Variants in MRC2 observed in about 807,000 individuals in gnomAD.
MRC2 encodes mannose receptor C-type 2.
A neutral mutation model predicts 206.2 loss-of-function variants in MRC2; 84 were observed. That is an observed-to-expected ratio of 0.41 (90% CI 0.34 to 0.49). MRC2 has a LOEUF of 0.49. MRC2 is among the 20% of genes least tolerant of loss of function. MRC2 has a pLI of 0.31. For missense variants in MRC2, 1,676 were observed against 2,001.5 expected, an observed-to-expected ratio of 0.84 and a Z score of 3.10; for synonymous variants, 798 against 800.0, an observed-to-expected ratio of 1.00 and a Z score of 0.04.
chr17:62,638,731 C>T (rs1429419726), intron 1 of MRC2, among the ~76,000 whole-genome samples: 1 of 133,300 alleles, frequency 7.5e-6, no homozygotes, highest in Admixed American at 7.8e-5. Flanking sequence ...GAGTGAAACC[C>T]TGTCTCAAAA....
At chr17:62,669,534 T>C (rs1022812501) in intron 6 of MRC2, among the ~76,000 whole-genome samples, 1 of 149,078 alleles carries the variant, frequency 6.7e-6, no homozygotes, top group African/African-American at 2.5e-5. Flanking sequence ...TTTATTTTTA[T>C]TTATTTATTT....
At chr17:62,663,459 G>A (rs2147462252) in intron 1 of MRC2, among the ~76,000 whole-genome samples, 1 of 152,236 alleles carries the variant, frequency 6.6e-6, no homozygotes, top group African/African-American at 2.4e-5. Context: ...CCCAAAAGAA[G>A]CACCGTGCCC....
rs757338236 is a variant in MRC2 at position 62,628,507 on chromosome 17, CA to C, written c.118+588del. Among the ~76,000 whole-genome samples the C allele has an allele frequency of 4.6e-4, 70 of 152,210 alleles. 1 individual carries two copies. Among genetic ancestry groups the C allele is most frequent in the Non-Finnish European group, 5.4e-4 (37 of 68,042 alleles). On this transcript the variant is annotated intron_variant, in intron 1 of 29. Coordinates refer to ENST00000303375, the MANE Select transcript of MRC2 (RefSeq NM_006039.5). ...CGGCATCCGCCCCGCGTGAGCTCGG[CA>C]GCCCTGTGAGGAGGCTCCTGCCACT...
In MRC2 at chr17:62,627,871, GTGCC is replaced by G; in HGVS notation, c.73_76del (p.Leu25ThrfsTer92). ...TGCTGCGCTGCGTCCTGCTCCTCGGGTGCCTGCACCTCGGCCGTCCCGGCGCCCC... is the reference window on the plus strand; with the variant it reads ...TGCTGCGCTGCGTCCTGCTCCTCGGGTGCACCTCGGCCGTCCCGGCGCCCC... On this transcript the variant is annotated frameshift_variant, in exon 1 of 30. Transcript: ENST00000303375. LOFTEE classifies it high-confidence loss of function. 2.7e-6 allele frequency: 4 copies of G among 1,475,922 alleles called. No individual in the cohort carries two copies. Among genetic ancestry groups the G allele is most frequent in the Non-Finnish European group, 3.6e-6 (4 of 1,120,562 alleles). 91.4% of individuals were successfully genotyped at this position (1,475,922 alleles called of 1,614,324 possible). A position where few individuals can be genotyped will look rare whatever the true frequency, so the allele number is the denominator to read the frequency against.
chr17:62,634,430 A>G (rs531181032), intron 1 of MRC2, among the ~76,000 whole-genome samples: 7 of 152,072 alleles, frequency 4.6e-5, no homozygotes, highest in Middle Eastern at 3.4e-3. Flanking sequence ...CCTCCCAAGT[A>G]GCTGGGACTG....
chr17:62,670,115 A>AG (rs2088809308), intron 6 of MRC2, among the ~76,000 whole-genome samples: 6 of 152,188 alleles, frequency 3.9e-5, no homozygotes, highest in Non-Finnish European at 8.8e-5. Flanking sequence ...AGACAGATGT[A>AG]AGGCCTCGGA....
rs770691334 is a variant in MRC2 at position 62,690,218 on chromosome 17, G to A, written c.3805G>A (p.Ala1269Thr). Reference protein sequence around the residue: ...GSCPQGLADSAWIPFREHCYS... With the variant: ...GSCPQGLADSTWIPFREHCYS... ...CTGTCCCCAGGGACTGGCAGACTCC[G>A]CGTGGATTCCCTTCCGGGAGCACTG... The change falls in exon 26 of 30, where the codon GCG (alanine) becomes ACG (threonine). Residue 1269 changes from alanine to threonine, a missense_variant. By Grantham distance (58) the Ala-to-Thr change is moderately conservative. Coordinates refer to ENST00000303375, the MANE Select transcript of MRC2 (RefSeq NM_006039.5). 6.8e-6 allele frequency: 11 copies of A among 1,613,050 alleles called. No individual in the cohort carries two copies. The highest frequency in any genetic ancestry group is 1.1e-5 in the South Asian group (1 of 91,078).
At chr17:62,661,109 A>G (rs2088674040) in intron 1 of MRC2, among the ~76,000 whole-genome samples, 1 of 152,214 alleles carries the variant, frequency 6.6e-6, no homozygotes, top group South Asian at 2.1e-4. Flanking sequence ...GATAGGAAAC[A>G]GCCAGGCTTG....
intron 23 of MRC2, 62 bp from the exon 24 acceptor site, chr17:62,689,460 T>G (rs1336214296): frequency 6.8e-6 from 8 of 1,174,414 alleles, no homozygotes; most frequent in Non-Finnish European, 8.4e-6. Context: ...CTCCTGGCCT[T>G]GTGCCTGGGA....
At chr17:62,681,337 AAATAACATATGCG>A (rs2088963991) in intron 18 of MRC2, 1 of 616,862 alleles carries the variant, frequency 1.6e-6, no homozygotes, top group Non-Finnish European at 2.8e-6. Flanking sequence ...TGAAGATTAG[AAATAACATATGCG>A]AAGTGCTTAC....
intron 1 of MRC2, among the ~76,000 whole-genome samples, chr17:62,649,936 A>G (rs936229633): frequency 1.6e-4 from 23 of 145,950 alleles, no homozygotes; most frequent in African/African-American, 4.1e-4. Context: ...GTGTCGCTCT[A>G]TTGCTGAGGT....
At chr17:62,641,568 T>C (rs540310310) in intron 1 of MRC2, among the ~76,000 whole-genome samples, 2 of 152,286 alleles carry the variant, frequency 1.3e-5, no homozygotes, top group South Asian at 4.1e-4. Context: ...TGTAAGGGCA[T>C]TGATGGTTTG....
chr17:62,690,913 C>T, intron 27 of MRC2, 36 bp from the exon 28 acceptor site: 1 of 1,539,620 alleles, frequency 6.5e-7, no homozygotes, highest in Non-Finnish European at 8.7e-7. Flanking sequence ...CCTGCCCCAC[C>T]TTGTCCCTGC....
intron 1 of MRC2, among the ~76,000 whole-genome samples, chr17:62,640,759 A>G (rs1435548127): frequency 6.7e-6 from 1 of 149,344 alleles, no homozygotes; most frequent in East Asian, 2.0e-4. Flanking sequence ...ATCTCGGCTC[A>G]CTGCAAGCTC....
intron 1 of MRC2, among the ~76,000 whole-genome samples, chr17:62,633,259 T>C (rs1184480093): frequency 2.6e-5 from 4 of 151,300 alleles, no homozygotes; most frequent in Non-Finnish European, 5.9e-5. Flanking sequence ...TCCCAGCACT[T>C]TGGGAGGCCG....
intron 1 of MRC2, among the ~76,000 whole-genome samples, chr17:62,656,430 G>A (rs2088620229): frequency 6.6e-6 from 1 of 152,194 alleles, no homozygotes; most frequent in African/African-American, 2.4e-5. Context: ...GGGCTCAAAC[G>A]ATCTTCCCAC....
At chr17:62,644,894 C>T (rs1388228663) in intron 1 of MRC2, among the ~76,000 whole-genome samples, 1 of 152,126 alleles carries the variant, frequency 6.6e-6, no homozygotes, top group Non-Finnish European at 1.5e-5. Context: ...CTGGTGCTCT[C>T]TCCATTAATA....
intron 12 of MRC2, 105 bp from the exon 13 acceptor site, chr17:62,678,399 G>T (rs1235726930): frequency 4.1e-6 from 6 of 1,464,924 alleles, no homozygotes; most frequent in Non-Finnish European, 5.5e-6. Flanking sequence ...CCCCTGTCCA[G>T]TAAGGCTCCA....
chr17:62,659,384 A>G (rs1320553043), intron 1 of MRC2, among the ~76,000 whole-genome samples: 3 of 152,140 alleles, frequency 2.0e-5, no homozygotes, highest in African/African-American at 7.2e-5. Flanking sequence ...TACTAAAAAT[A>G]CAAAAATTAG....
Sources: gnomAD v4.1 joint callset for allele counts (sites outside exome capture counted in the v4.1 genomes callset) on GRCh38, gnomAD v4.1.1 for gene constraint, MANE v1.5 for transcripts, NCBI Gene and HGNC (gene_info 2026-07-23, HGNC 2026-07-21) for gene names.